LCORL: variants seen among roughly 807,000 people sequenced by gnomAD.
LCORL encodes ligand dependent nuclear receptor corepressor like, also known as ligand-dependent nuclear receptor corepressor-like protein.
Under a neutral mutation model 141.8 loss-of-function variants are expected in LCORL, and 41 were observed. The ratio of observed to expected loss-of-function variants is 0.29; its 90% CI spans 0.23 to 0.38. The LOEUF is 0.38. Among genes scored for constraint, LCORL ranks in the 10% least tolerant of loss-of-function variants. The probability of loss-of-function intolerance (pLI) is 1.00; values close to 1 mark genes in which losing one functional copy is unlikely to be tolerated. For synonymous variants in LCORL, 618 were observed against 694.1 expected, an observed-to-expected ratio of 0.89 and a Z score of 1.72; for missense variants, 1,759 against 2,035.0, an observed-to-expected ratio of 0.86 and a Z score of 2.61.
At chr4:17,999,453 CAAAA>C (rs1311925734) in intron 1 of LCORL, among the ~76,000 whole-genome samples, 1 of 105,508 alleles carries the variant, frequency 9.5e-6, no homozygotes. Flanking sequence ...CTCCGTCTCA[CAAAA>C]AAAAAAAAAA....
At position 17,884,083 on chromosome 4, in the gene LCORL, C is replaced by T; in HGVS notation, c.776+1985G>A. ...AATTAAGACACAAAGGAGAGAGGTC[C>T]CCATGTAGAAAGTAAGAGTCAACAC... On this transcript the variant is annotated intron_variant, in intron 6 of 7. Transcript: ENST00000635767. The surrounding 1 kb of genome is among the most constrained non-coding windows in gnomAD (Gnocchi z 4.4). 1.9e-6 allele frequency: 3 copies of T among 1,550,604 alleles called. No homozygotes were observed. The highest frequency in any genetic ancestry group is 1.4e-5 in the African/African-American group (1 of 73,012).
chr4:17,997,380 C>A (rs1275411831), intron 1 of LCORL, among the ~76,000 whole-genome samples: 1 of 152,142 alleles, frequency 6.6e-6, no homozygotes, highest in Admixed American at 6.5e-5. Context: ...TCCTTGACAA[C>A]AGGAACAATA....
At chr4:17,891,189 C>T (rs1340477534) in intron 5 of LCORL, among the ~76,000 whole-genome samples, 1 of 152,092 alleles carries the variant, frequency 6.6e-6, no homozygotes, top group Non-Finnish European at 1.5e-5. Context: ...GTTCTCACAA[C>T]AACCGGATGG....
chr4:17,982,755 C>T (rs1418024245), intron 1 of LCORL, among the ~76,000 whole-genome samples: 1 of 152,136 alleles, frequency 6.6e-6, no homozygotes, highest in South Asian at 2.1e-4. Flanking sequence ...TTTTGCTGTG[C>T]AGAAGCTCTT....
intron 5 of LCORL, among the ~76,000 whole-genome samples, chr4:17,890,421 C>G (rs1304451677): frequency 1.3e-5 from 2 of 151,954 alleles, no homozygotes; most frequent in East Asian, 1.9e-4. Context: ...ACAAAAAGAT[C>G]TAAAAGGATC....
chr4:17,912,147 T>A lies in LCORL; in HGVS notation c.431-2802A>T. On this transcript the variant is annotated intron_variant, in intron 4 of 7. Coordinates refer to ENST00000635767, the Ensembl canonical transcript of LCORL. ...CAAATACTGTGGACAATGCCCGCAT[T>A]GTTCTGCAGATCGACAATGCCCGTC... The A allele has an allele frequency of 4.0e-6, 4 of 1,006,610 alleles. No homozygotes were observed. The South Asian group carries it at 5.0e-5, about 13-fold the overall frequency. 62.4% of individuals were successfully genotyped at this position (1,006,610 alleles called of 1,614,324 possible).
chr4:17,924,445 C>T (rs556951690), intron 4 of LCORL, among the ~76,000 whole-genome samples: 8 of 152,238 alleles, frequency 5.3e-5, no homozygotes, highest in South Asian at 4.2e-4. Context: ...TGCCAGAAGC[C>T]GGGACCAACA....
chr4:17,962,228 A>C (rs1447441219), intron 3 of LCORL, among the ~76,000 whole-genome samples, 196 bp from the exon 4 acceptor site: 1 of 151,854 alleles, frequency 6.6e-6, no homozygotes, highest in Non-Finnish European at 1.5e-5. Context: ...GAGTCAAAAT[A>C]ACCTTATTCC....
At chr4:17,993,813 T>A (rs1720453544) in intron 1 of LCORL, among the ~76,000 whole-genome samples, 1 of 152,004 alleles carries the variant, frequency 6.6e-6, no homozygotes, top group African/African-American at 2.4e-5. Flanking sequence ...CAAAAATACA[T>A]GAGAGGAAAG....
intron 4 of LCORL, among the ~76,000 whole-genome samples, chr4:17,928,496 C>G (rs1435244476): frequency 6.6e-6 from 1 of 152,182 alleles, no homozygotes; most frequent in Non-Finnish European, 1.5e-5. Context: ...GCTACATAAT[C>G]TCCATACATG....
chr4:17,986,087 T>A (rs948172911), intron 1 of LCORL, among the ~76,000 whole-genome samples: 15 of 152,184 alleles, frequency 9.9e-5, no homozygotes, highest in African/African-American at 3.1e-4. Context: ...GAGTATAAGC[T>A]CCGAATCTCT....
chr4:17,876,181 T>C (rs1005362333), exon 7 of LCORL: 2 of 1,230,908 alleles, frequency 1.6e-6, no homozygotes, highest in Non-Finnish European at 2.0e-6. Flanking sequence ...TTTTCAACAC[T>C]GGAAATCAAG....
chr4:17,854,578 C>G (rs1249586119), intron 7 of LCORL, among the ~76,000 whole-genome samples: 1 of 152,054 alleles, frequency 6.6e-6, no homozygotes, highest in East Asian at 1.9e-4. Flanking sequence ...ATCAAAATAT[C>G]TAGCCAGGTA....
chr4:17,989,415 AG>A (rs1413870764), intron 1 of LCORL, among the ~76,000 whole-genome samples: 1 of 152,236 alleles, frequency 6.6e-6, no homozygotes, highest in Non-Finnish European at 1.5e-5. Context: ...ACATGGGGAA[AG>A]AGATGGACAG....
At chr4:17,940,017 T>C (rs1737593659) in intron 4 of LCORL, among the ~76,000 whole-genome samples, 2 of 149,650 alleles carry the variant, frequency 1.3e-5, no homozygotes, top group Admixed American at 1.3e-4. Context: ...ATGGTATATA[T>C]GCATATATAC....
chr4:17,890,724 G>T (rs1728948401), intron 5 of LCORL, among the ~76,000 whole-genome samples: 1 of 152,056 alleles, frequency 6.6e-6, no homozygotes, highest in Non-Finnish European at 1.5e-5. Context: ...TCAGGTAATT[G>T]TCTATATAAC....
intron 7 of LCORL, among the ~76,000 whole-genome samples, chr4:17,872,740 C>A (rs188480215): frequency 6.6e-6 from 1 of 152,220 alleles, no homozygotes; most frequent in African/African-American, 2.4e-5. Context: ...ATCTTTATAT[C>A]TGTGGAAATG....
intron 1 of LCORL, among the ~76,000 whole-genome samples, chr4:17,981,358 G>T (rs953474936): frequency 6.6e-6 from 1 of 152,126 alleles, no homozygotes; most frequent in African/African-American, 2.4e-5. Context: ...GTCACCAAAA[G>T]TTATCATCAG....
exon 7 of LCORL, chr4:17,875,863 C>T (rs1726861915): frequency 4.9e-6 from 6 of 1,231,070 alleles, no homozygotes; most frequent in Non-Finnish European, 6.1e-6. Flanking sequence ...GAGGATCCTG[C>T]AGTTTCTTTT....
Sources: gnomAD v4.1 joint callset for allele counts (sites outside exome capture counted in the v4.1 genomes callset) on GRCh38, gnomAD v4.1.1 for gene constraint, Gnocchi (gnomAD v3.1) non-coding constraint, MANE v1.5 for transcripts, NCBI Gene and HGNC (gene_info 2026-07-23, HGNC 2026-07-21) for gene names.